The following TLE1 variants were observed in gnomAD, a reference collection of about 807,000 sequenced individuals.
TLE1 encodes TLE family member 1, transcriptional corepressor.
A neutral mutation model predicts 89.8 loss-of-function variants in TLE1; 21 were observed. The ratio of observed to expected loss-of-function variants is 0.23; its 90% CI spans 0.17 to 0.34. The LOEUF (loss-of-function observed/expected upper bound fraction) is 0.34, where lower values mean the gene tolerates loss of function less well. Ranked by LOEUF, TLE1 falls within the 10% of genes least tolerant of loss-of-function variation. The pLI, the probability that TLE1 is intolerant of heterozygous loss-of-function variation, is 1.00. For synonymous variants in TLE1, 447 were observed against 407.6 expected (o/e 1.10, Z -1.16); for missense variants, 795 against 1,031.2 (o/e 0.77, Z 3.14).
chr9:81,620,592 C>T, intron 8 of TLE1, 35 bp from the exon 9 acceptor site: 1 of 1,599,650 alleles, frequency 6.3e-7, no homozygotes, highest in East Asian at 2.2e-5. Context: ...AGATTTCTTC[C>T]CAAGCCTCTT....
At chr9:81,621,257 C>T (rs982264402) in intron 8 of TLE1, among the ~76,000 whole-genome samples, 1 of 151,892 alleles carries the variant, frequency 6.6e-6, no homozygotes, top group Non-Finnish European at 1.5e-5. Context: ...TCGCATATGC[C>T]GAGTAGGAAC....
intron 14 of TLE1, among the ~76,000 whole-genome samples, chr9:81,596,546 A>G (rs1013866892): frequency 2.6e-5 from 4 of 152,212 alleles, no homozygotes; most frequent in African/African-American, 9.6e-5. Flanking sequence ...GGATCCCAGA[A>G]GGAAACTTAA....
At chr9:81,632,580 G>T (rs1446758635) in intron 8 of TLE1, among the ~76,000 whole-genome samples, 2 of 150,592 alleles carry the variant, frequency 1.3e-5, no homozygotes, top group Non-Finnish European at 2.9e-5. Flanking sequence ...AAAAGGGGCT[G>T]AATTCTCTCT....
At chr9:81,591,246 CAGG>C (rs1338891787) in intron 15 of TLE1, among the ~76,000 whole-genome samples, 194 bp from the exon 16 acceptor site, 1 of 152,166 alleles carries the variant, frequency 6.6e-6, no homozygotes, top group African/African-American at 2.4e-5. Context: ...AACAAATTCA[CAGG>C]AGCTTAGGTA....
chr9:81,653,904 T>G, intron 5 of TLE1, 70 bp downstream of exon 5: 1 of 1,443,000 alleles, frequency 6.9e-7, no homozygotes, highest in Non-Finnish European at 9.7e-7. Flanking sequence ...AATTAACATC[T>G]TAAAACTAGC....
Position 81,615,104 on chromosome 9 carries a change from AAAAAAAAAAAAAAAAAAG to A in TLE1, c.918+860_918+877del, listed in dbSNP as rs1258044467. Among the ~76,000 whole-genome samples, 275 of 133,466 alleles carry A rather than the reference AAAAAAAAAAAAAAAAAAG, an allele frequency of 2.1e-3. 3 individuals carry two copies. Among genetic ancestry groups the A allele is most frequent in the African/African-American group, 7.5e-3 (263 of 34,872 alleles). 87.6% of individuals were successfully genotyped at this position (133,466 alleles called of 152,430 possible). A position where few individuals can be genotyped will look rare whatever the true frequency, so the allele number is the denominator to read the frequency against. ...CTCAAAAAAAAAAAAAAAAAAAAAA[AAAAAAAAAAAAAAAAAAG>A]AAGAAGAAGAAGAAGGCAATGAACA... On this transcript the variant is annotated intron_variant, in intron 11 of 19. Transcript: ENST00000376499.
chr9:81,617,692 ACT>A (rs987251280), intron 9 of TLE1, among the ~76,000 whole-genome samples: 1 of 151,358 alleles, frequency 6.6e-6, no homozygotes, highest in Non-Finnish European at 1.5e-5. Context: ...ACATAGCAAG[ACT>A]CTGTCACAAA....
chr9:81,661,764 C>G (rs1053331472), intron 4 of TLE1, among the ~76,000 whole-genome samples: 1 of 151,944 alleles, frequency 6.6e-6, no homozygotes, highest in Non-Finnish European at 1.5e-5. Flanking sequence ...AATCCCCCCC[C>G]CAAAAAAAAT....
At chr9:81,669,630 G>A (rs950757509) in intron 4 of TLE1, among the ~76,000 whole-genome samples, 1 of 151,398 alleles carries the variant, frequency 6.6e-6, no homozygotes, top group Non-Finnish European at 1.5e-5. Flanking sequence ...CACACCAAAA[G>A]ACATGCACAC....
At chr9:81,631,353 T>A (rs1226896038) in intron 8 of TLE1, among the ~76,000 whole-genome samples, 1 of 152,176 alleles carries the variant, frequency 6.6e-6, no homozygotes, top group East Asian at 1.9e-4. Flanking sequence ...ATAAAATACA[T>A]CTCTACTAGC....
At chr9:81,599,481 G>T (rs1171029706) in intron 14 of TLE1, among the ~76,000 whole-genome samples, 2 of 152,162 alleles carry the variant, frequency 1.3e-5, no homozygotes, top group African/African-American at 4.8e-5. Flanking sequence ...GCTCCTTATG[G>T]AATGGATGAG....
chr9:81,594,373 T>C (rs1829935766), intron 14 of TLE1, among the ~76,000 whole-genome samples: 1 of 152,014 alleles, frequency 6.6e-6, no homozygotes. Flanking sequence ...TGAGTTCATG[T>C]CCCTTGCAGG....
chr9:81,647,581 G>A (rs1588112543), intron 6 of TLE1, among the ~76,000 whole-genome samples: 1 of 152,140 alleles, frequency 6.6e-6, no homozygotes, highest in African/African-American at 2.4e-5. Flanking sequence ...ACCAGGACTT[G>A]ACCAACTGGA....
At chr9:81,634,845 C>T (rs1028326711) in intron 6 of TLE1, among the ~76,000 whole-genome samples, 3 of 152,162 alleles carry the variant, frequency 2.0e-5, no homozygotes, top group African/African-American at 7.2e-5. Context: ...CTTGCATTGA[C>T]TTACCACAGT....
intron 8 of TLE1, among the ~76,000 whole-genome samples, chr9:81,629,936 A>G (rs1826362689): frequency 6.6e-6 from 1 of 152,198 alleles, no homozygotes; most frequent in African/African-American, 2.4e-5. Flanking sequence ...TGCTTATTTA[A>G]GGCTCATTTG....
At chr9:81,603,859 G>A (rs145145560) in intron 14 of TLE1, among the ~76,000 whole-genome samples, 67 of 152,148 alleles carry the variant, frequency 4.4e-4, no homozygotes, top group African/African-American at 1.4e-3. Flanking sequence ...AAAATTAGCC[G>A]GACATGGCGG....
In TLE1 at chr9:81,611,603, G is replaced by T. The variant is rs562760422; in HGVS notation, c.1254+166C>A. On this transcript the variant is annotated intron_variant, in intron 13 of 19. Coordinates refer to ENST00000376499, the MANE Select transcript of TLE1 (RefSeq NM_005077.5). ...GCATGCTGATGAAAGCTGACAAGAG[G>T]AAGGTGAGTGTGTGGCTGGGAGACT... Among the ~76,000 whole-genome samples the T allele has an allele frequency of 1.2e-4, 19 of 152,364 alleles. 1 individual carries two copies. Among genetic ancestry groups the T allele is most frequent in the Non-Finnish European group, 2.4e-4 (16 of 68,034 alleles).
Position 81,682,453 on chromosome 9 carries a change from G to C in TLE1, c.234+3223C>G, listed in dbSNP as rs535250471. 2.0e-5 allele frequency among the ~76,000 whole-genome samples: 3 copies of C among 152,248 alleles called. No homozygotes were observed. The South Asian group carries it at 6.2e-4, about 32-fold the overall frequency. On this transcript the variant is annotated intron_variant, in intron 4 of 19. Coordinates refer to ENST00000376499, the MANE Select transcript of TLE1 (RefSeq NM_005077.5). The stretch of plus-strand genomic sequence containing the variant: ...CAGAAGACAAATCACATTGAAAACT[G>C]TTCATTACTGTGCAAATTAAAGCCA...
chr9:81,637,644 CTT>C (rs11375860), intron 6 of TLE1, among the ~76,000 whole-genome samples: 352 of 138,654 alleles, frequency 2.5e-3, no homozygotes, highest in African/African-American at 5.0e-3. Flanking sequence ...ATGAAAGTTT[CTT>C]TTTTTTTTTT....
Sources: gnomAD v4.1 joint callset for allele counts (sites outside exome capture counted in the v4.1 genomes callset) on GRCh38, gnomAD v4.1.1 for gene constraint, MANE v1.5 for transcripts, NCBI Gene and HGNC (gene_info 2026-07-23, HGNC 2026-07-21) for gene names.